PPT1: variants seen among roughly 807,000 people sequenced by gnomAD.
PPT1 encodes ceroid-palmitoyl-palmitoyl-protein thioesterase 1.
In PPT1, 24 loss-of-function variants were observed where a neutral mutation model predicts 44.0. That is an observed-to-expected ratio of 0.54 (90% CI 0.39 to 0.77). The LOEUF (loss-of-function observed/expected upper bound fraction) is 0.77, where lower values mean the gene tolerates loss of function less well. PPT1 is among the 30% of genes least tolerant of loss of function. PPT1 has a pLI of 0.00. For synonymous variants in PPT1, 148 were observed against 140.2 expected, an observed-to-expected ratio of 1.06 and a Z score of -0.39; for missense variants, 341 against 378.8, an observed-to-expected ratio of 0.90 and a Z score of 0.83.
At chr1:40,074,242 G>C (rs1557705049) in intron 8 of PPT1, 59 bp from the exon 9 acceptor site, 2 of 1,596,008 alleles carry the variant, frequency 1.3e-6, no homozygotes. Context: ...GAGTAAAATG[G>C]TAAGTACGTT....
At chr1:40,076,062 C>G (rs2124469213) in intron 8 of PPT1, among the ~76,000 whole-genome samples, 1 of 151,380 alleles carries the variant, frequency 6.6e-6, no homozygotes, top group South Asian at 2.1e-4. Context: ...GATACAGGAC[C>G]TACTGCTAAA....
At chr1:40,079,223 T>A (rs1048894205) in intron 6 of PPT1, among the ~76,000 whole-genome samples, 5 of 152,138 alleles carry the variant, frequency 3.3e-5, no homozygotes, top group Non-Finnish European at 7.4e-5. Flanking sequence ...ATGTACCACA[T>A]TTTCTCTATC....
At chr1:40,093,936 T>C in intron 1 of PPT1, 1 of 704,812 alleles carries the variant, frequency 1.4e-6, no homozygotes, top group Non-Finnish European at 2.6e-6. Flanking sequence ...CTCATACCTA[T>C]CATCCCAGCG....
At chr1:40,071,614 T>C, downstream of PPT1, 1 of 921,272 alleles carries the variant, frequency 1.1e-6, no homozygotes, top group South Asian at 1.5e-5. Context: ...CTAGATTTCC[T>C]CTACCTTTTT....
Position 40,089,476 on chromosome 1 carries a change from G to C in PPT1, c.470C>G (p.Ser157Cys). Residue 157 changes from serine to cysteine, a missense_variant, in exon 5 of 9, where the codon TCT (serine) becomes TGT (cysteine). Physicochemically the swap from Ser to Cys is moderately radical, Grantham distance 112. Transcript: ENST00000642050. Reference sequence around the variant, plus strand: ...TTTTCGGATGAAGTCACAGATGTGAGAGCTCTCTCCTGGGCATCGAGGGAG... The same window carrying C: ...TTTTCGGATGAAGTCACAGATGTGACAGCTCTCTCCTGGGCATCGAGGGAG... ...FGLPRCPGES[S>C]HICDFIRKTL... 2.5e-6 allele frequency: 4 copies of C among 1,614,066 alleles called. No homozygotes were observed. The highest frequency in any genetic ancestry group is 1.3e-5 in the African/African-American group (1 of 75,008).
At chr1:40,087,435 G>T (rs372313278) in intron 5 of PPT1, among the ~76,000 whole-genome samples, 12 of 152,038 alleles carry the variant, frequency 7.9e-5, no homozygotes, top group East Asian at 5.9e-4. Context: ...TAGAGATGGG[G>T]TTTTGCCATG....
chr1:40,077,024 G>C, intron 7 of PPT1, 111 bp from the exon 8 acceptor site: 1 of 1,317,148 alleles, frequency 7.6e-7, no homozygotes, highest in African/African-American at 1.5e-5. Context: ...ACATCATAAA[G>C]CTGTAGGAAG....
chr1:40,092,545 C>T (rs887094725), intron 1 of PPT1, 38 bp from the exon 2 acceptor site: 2 of 1,468,996 alleles, frequency 1.4e-6, no homozygotes, highest in Non-Finnish European at 9.5e-7. Flanking sequence ...CTCATGAGTC[C>T]AAATATTGTT....
At chr1:40,089,653 G>A in intron 4 of PPT1, 141 bp from the exon 5 acceptor site, 1 of 709,306 alleles carries the variant, frequency 1.4e-6, no homozygotes, top group Non-Finnish European at 2.5e-6. Context: ...ATAAAGCGCA[G>A]AGAACTAATA....
intron 5 of PPT1, among the ~76,000 whole-genome samples, chr1:40,088,461 A>G (rs1375769886): frequency 6.6e-6 from 1 of 152,170 alleles, no homozygotes; most frequent in East Asian, 1.9e-4. Context: ...TTCTAAGGAT[A>G]AAGCCCAGGA....
At chr1:40,077,025 C>G (rs1648664724) in intron 7 of PPT1, 112 bp from the exon 8 acceptor site, 1 of 1,319,394 alleles carries the variant, frequency 7.6e-7, no homozygotes, top group African/African-American at 1.5e-5. Context: ...CATCATAAAG[C>G]TGTAGGAAGA....
downstream of PPT1, chr1:40,072,446 A>C: frequency 5.3e-6 from 1 of 190,058 alleles, no homozygotes; most frequent in Non-Finnish European, 1.1e-5. Context: ...GTCTTGAATT[A>C]TGTAAGAATC....
chr1:40,075,394 A>C (rs1390564393), intron 8 of PPT1: 1 of 152,098 alleles, frequency 6.6e-6, no homozygotes, highest in Non-Finnish European at 1.5e-5. Context: ...CAGTTACGAC[A>C]GTGCCAGAAT....
intron 4 of PPT1, 101 bp downstream of exon 4, chr1:40,091,228 T>C: frequency 8.2e-7 from 1 of 1,213,372 alleles, no homozygotes; most frequent in Non-Finnish European, 1.2e-6. Flanking sequence ...TTTGCAAGAA[T>C]GGCTGATGTC....
intron 5 of PPT1, among the ~76,000 whole-genome samples, chr1:40,083,094 G>A (rs914035804): frequency 2.0e-5 from 3 of 152,186 alleles, no homozygotes; most frequent in African/African-American, 7.2e-5. Flanking sequence ...AGTGTGGTTT[G>A]CTGACTATTT....
At chr1:40,080,758 T>C (rs761699879) in intron 5 of PPT1, among the ~76,000 whole-genome samples, 95 of 152,032 alleles carry the variant, frequency 6.2e-4, no homozygotes, top group Middle Eastern at 3.4e-3. Context: ...CCTGTAATCC[T>C]AGCTACTTGG....
intron 8 of PPT1, among the ~76,000 whole-genome samples, chr1:40,076,087 C>G (rs1570451992): frequency 6.6e-6 from 1 of 151,350 alleles, no homozygotes; most frequent in Middle Eastern, 3.4e-3. Flanking sequence ...ATTCAAAACT[C>G]TAGTCCCACT....
intron 5 of PPT1, among the ~76,000 whole-genome samples, chr1:40,088,291 C>T (rs1649370014): frequency 6.6e-6 from 1 of 152,116 alleles, no homozygotes; most frequent in Admixed American, 6.5e-5. Flanking sequence ...AGATTACAGG[C>T]GTGCGCCACC....
chr1:40,080,411 T>C lies in PPT1; in HGVS notation c.613A>G (p.Ile205Val), dbSNP rs1648867615. 1 of 1,613,958 alleles carries C rather than the reference T, an allele frequency of 6.2e-7. No homozygotes were observed. Among genetic ancestry groups the C allele is most frequent in the African/African-American group, 1.3e-5 (1 of 74,898 alleles). The change falls in exon 6 of 9, where the codon ATA becomes GTA. Residue 205 changes from isoleucine (I) to valine (V), a missense_variant. Ile to Val is a conservative substitution (Grantham distance 29, BLOSUM62 3). Coordinates refer to ENST00000642050, the MANE Select transcript of PPT1 (RefSeq NM_000310.4). Reference sequence around the variant, plus strand: ...TGGGTGCTTACCCGCTCCTGATTTATATCTGCCAAGAAGATGCTGTGGTTG... The same window carrying C: ...TGGGTGCTTACCCGCTCCTGATTTACATCTGCCAAGAAGATGCTGTGGTTG... The part of the protein sequence containing the change: ...YRNHSIFLAD[I>V]NQERGINESY...
Sources: gnomAD v4.1 joint callset for allele counts (sites outside exome capture counted in the v4.1 genomes callset) on GRCh38, gnomAD v4.1.1 for gene constraint, MANE v1.5 for transcripts, NCBI Gene and HGNC (gene_info 2026-07-23, HGNC 2026-07-21) for gene names.